The following ZC3H7A variants were observed in gnomAD, a reference collection of about 807,000 sequenced individuals.
The protein encoded by ZC3H7A is zinc finger CCCH domain-containing protein 7A.
Under a neutral mutation model 125.5 loss-of-function variants are expected in ZC3H7A, and 44 were observed. The observed-to-expected ratio is 0.35, with a 90% CI of 0.28 to 0.45. The LOEUF is 0.45. Among genes scored for constraint, ZC3H7A ranks in the 20% least tolerant of loss-of-function variants. The probability of loss-of-function intolerance (pLI) is 1.00; values close to 1 mark genes in which losing one functional copy is unlikely to be tolerated. For missense variants in ZC3H7A, 977 were observed against 1,170.7 expected (o/e 0.83, Z 2.41); for synonymous variants, 399 against 391.2 (o/e 1.02, Z -0.23).
At chr16:11,769,751 TA>T (rs1310474168) in intron 10 of ZC3H7A, among the ~76,000 whole-genome samples, 2 of 123,752 alleles carry the variant, frequency 1.6e-5, no homozygotes, top group Non-Finnish European at 3.3e-5. Flanking sequence ...CCATAACATT[TA>T]AAAAAAAATC....
intron 1 of ZC3H7A, among the ~76,000 whole-genome samples, chr16:11,785,468 T>C (rs1245985444): frequency 6.6e-6 from 1 of 151,730 alleles, no homozygotes; most frequent in Admixed American, 6.6e-5. Context: ...ATTGTGCCAC[T>C]GCACTCCCGC....
At chr16:11,770,302 C>T (rs1205770044) in intron 10 of ZC3H7A, among the ~76,000 whole-genome samples, 1 of 152,160 alleles carries the variant, frequency 6.6e-6, no homozygotes. Context: ...AGACTCCAAA[C>T]TCAGCAATCT....
chr16:11,768,023 C>T (rs1223116633), intron 12 of ZC3H7A, among the ~76,000 whole-genome samples: 1 of 152,138 alleles, frequency 6.6e-6, no homozygotes, highest in Non-Finnish European at 1.5e-5. Context: ...CTTAAGCATA[C>T]ACTGAGAACA....
At chr16:11,762,592 T>C in intron 17 of ZC3H7A, 79 bp downstream of exon 17, 2 of 1,320,210 alleles carry the variant, frequency 1.5e-6, no homozygotes, top group Non-Finnish European at 2.2e-6. Context: ...AAGTGTTAAC[T>C]GCATCCACCA....
rs1442136107 is a variant in ZC3H7A, at chr16:11,752,669, C to T, written c.2726G>A (p.Arg909Lys). Reference sequence around the variant, plus strand: ...GGAAAAATTGTAGAAACCTACATACCTATCACAAATACTGAAATAGCCTGT... The same window carrying T: ...GGAAAAATTGTAGAAACCTACATACTTATCACAAATACTGAAATAGCCTGT... Reference protein sequence around the residue: ...FPTGYFSICDRYMNGTCPEGN... With the variant: ...FPTGYFSICDKYMNGTCPEGN... The change falls in exon 22 of 23, where the codon AGG becomes AAG. Residue 909 changes from arginine (R) to lysine (K), a missense_variant and splice_region_variant. This residue lies in a region of ZC3H7A where 436 missense variants were observed against 603.2 expected (regional missense o/e 0.72). Coordinates refer to ENST00000355758, the MANE Select transcript of ZC3H7A (RefSeq NM_014153.4). 6.2e-7 allele frequency: 1 copy of T among 1,610,032 alleles called. No homozygotes were observed. The highest frequency in any genetic ancestry group is 8.5e-7 in the Non-Finnish European group (1 of 1,178,888).
In ZC3H7A at chr16:11,789,974, G is replaced by A. The variant is rs538505991; in HGVS notation, c.-35+7150C>T. 2.0e-5 allele frequency among the ~76,000 whole-genome samples: 3 copies of A among 150,124 alleles called. No individual in the cohort carries two copies. The East Asian group carries it at 5.9e-4, about 29-fold the overall frequency. ...CATACACCTGTAATCCCAGCTACTC[G>A]AGACGCTAAGGCAGGAGAATAGCTA... is the stretch of plus-strand genomic sequence containing the variant. On this transcript the variant is annotated intron_variant, in intron 1 of 22. Coordinates refer to ENST00000355758, the MANE Select transcript of ZC3H7A (RefSeq NM_014153.4).
At chr16:11,779,791 T>C (rs2141206570) in intron 3 of ZC3H7A, among the ~76,000 whole-genome samples, 1 of 152,278 alleles carries the variant, frequency 6.6e-6, no homozygotes, top group Admixed American at 6.5e-5. Flanking sequence ...AGTGTGTGTG[T>C]GTGTACACGT....
intron 7 of ZC3H7A, among the ~76,000 whole-genome samples, chr16:11,776,075 C>T (rs916304185): frequency 9.2e-5 from 14 of 152,160 alleles, no homozygotes; most frequent in East Asian, 5.8e-4. Context: ...GTGGGAGGAT[C>T]ACTTGAGCCC....
chr16:11,770,986 G>T lies in ZC3H7A; in HGVS notation c.905C>A (p.Pro302Gln). Residue 302 changes from proline (P) to glutamine (Q), a missense_variant and splice_region_variant, in exon 10 of 23, where the codon CCG becomes CAG. Physicochemically the swap from Pro to Gln is moderately conservative, Grantham distance 76. Coordinates refer to ENST00000355758, the MANE Select transcript of ZC3H7A (RefSeq NM_014153.4). ...SAPETNETVM[P>Q]SALVRGPLQT... The stretch of plus-strand genomic sequence containing the variant: ...AAGGGGTCCTCTGACTAAAGCTGAC[G>T]GCTGCGGAAGAAAAAAAGATGTGAT... The T allele has an allele frequency of 6.3e-7, 1 of 1,590,480 alleles. No individual in the cohort carries two copies. The highest frequency in any genetic ancestry group is 8.5e-7 in the Non-Finnish European group (1 of 1,171,218).
intron 7 of ZC3H7A, among the ~76,000 whole-genome samples, chr16:11,775,328 G>A (rs1351447018): frequency 3.3e-5 from 5 of 150,586 alleles, no homozygotes; most frequent in South Asian, 2.1e-4. Context: ...CTGAGATAGC[G>A]CCACTGCACT....
At chr16:11,788,820 G>T (rs1462302156) in intron 1 of ZC3H7A, among the ~76,000 whole-genome samples, 1 of 151,970 alleles carries the variant, frequency 6.6e-6, no homozygotes, top group Admixed American at 6.6e-5. Context: ...CACCATGTTG[G>T]TCAGGCTGGT....
chr16:11,760,963 T>C (rs1228023510), intron 19 of ZC3H7A, among the ~76,000 whole-genome samples: 1 of 152,192 alleles, frequency 6.6e-6, no homozygotes, highest in Non-Finnish European at 1.5e-5. Context: ...TCTTATAAAG[T>C]TAGGTGTCTT....
intron 1 of ZC3H7A, among the ~76,000 whole-genome samples, chr16:11,791,171 G>A (rs1472319200): frequency 3.3e-5 from 5 of 150,494 alleles, no homozygotes; most frequent in African/African-American, 1.2e-4. Context: ...TTCAGCAGTT[G>A]CTTGGGACGC....
intron 1 of ZC3H7A, among the ~76,000 whole-genome samples, chr16:11,784,295 G>C (rs991773078): frequency 1.3e-5 from 2 of 151,780 alleles, no homozygotes; most frequent in African/African-American, 4.8e-5. Flanking sequence ...TGGACATGTT[G>C]GCCCATGTCC....
At chr16:11,782,601 CTTTTTT>C (rs896160381) in intron 1 of ZC3H7A, 26 of 130,576 alleles carry the variant, frequency 2.0e-4, no homozygotes, top group South Asian at 8.4e-4. Flanking sequence ...TTTTCATATT[CTTTTTT>C]TTTTTTTTTT....
At chr16:11,764,950 C>A (rs550622422) in intron 15 of ZC3H7A, 103 bp downstream of exon 15, 58 of 729,716 alleles carry the variant, frequency 7.9e-5, no homozygotes, top group Middle Eastern at 3.8e-4. Context: ...AACAACATAA[C>A]GATGAAAGGG....
At chr16:11,763,051 C>A in intron 16 of ZC3H7A, 3 of 301,872 alleles carry the variant, frequency 9.9e-6, no homozygotes, top group Non-Finnish European at 1.8e-5. Context: ...AAGCTCAGGA[C>A]AAAATCAATA....
In ZC3H7A at chr16:11,785,786, C is replaced by T. The variant is rs182490148; in HGVS notation, c.-34-3398G>A. ...AGGCGCCCGCCACCACGCCCGGCTACTTTTTTGTATTTTTAGTAGAGATAG... is the reference window on the plus strand; with the variant it reads ...AGGCGCCCGCCACCACGCCCGGCTATTTTTTTGTATTTTTAGTAGAGATAG... On this transcript the variant is annotated intron_variant, in intron 1 of 22. Coordinates refer to ENST00000355758, the MANE Select transcript of ZC3H7A (RefSeq NM_014153.4). 2.8e-3 allele frequency among the ~76,000 whole-genome samples: 421 copies of T among 152,070 alleles called. 3 individuals are homozygous for T. The highest frequency in any genetic ancestry group is 9.7e-3 in the African/African-American group (401 of 41,514).
At position 11,750,737 on chromosome 16, in the gene ZC3H7A, T is replaced by C. The variant is rs2052541459; in HGVS notation, c.*580A>G. ...TTTGAGTCAATTATTTTTCAAAATA[T>C]TCTCAATGCACATTATCCTTAATTC... On this transcript the variant is annotated 3_prime_UTR_variant, in exon 23 of 23. Transcript: ENST00000355758. 6.6e-6 allele frequency: 1 copy of C among 152,666 alleles called. No homozygotes were observed. The highest frequency in any genetic ancestry group is 6.5e-5 in the Admixed American group (1 of 15,278). 9.5% of individuals were successfully genotyped at this position (152,666 alleles called of 1,614,324 possible). A position where few individuals can be genotyped will look rare whatever the true frequency, so the allele number is the denominator to read the frequency against.
Sources: gnomAD v4.1 joint callset for allele counts (sites outside exome capture counted in the v4.1 genomes callset) on GRCh38, gnomAD v4.1.1 for gene constraint, gnomAD v4.1.1 regional missense constraint, MANE v1.5 for transcripts, NCBI Gene and HGNC (gene_info 2026-07-23, HGNC 2026-07-21) for gene names.